EFHC2: variants seen among roughly 807,000 people sequenced by gnomAD.
EFHC2 encodes the protein EF-hand domain-containing family member C2.
A neutral mutation model predicts 52.7 loss-of-function variants in EFHC2; 18 were observed. The observed-to-expected ratio is 0.34, with a 90% CI of 0.24 to 0.51. EFHC2 has a LOEUF of 0.51. Ranked by LOEUF, EFHC2 falls within the 20% of genes least tolerant of loss-of-function variation. The pLI, the probability that EFHC2 is intolerant of heterozygous loss-of-function variation, is 0.97. For synonymous variants in EFHC2, 203 were observed against 204.1 expected (o/e 0.99, Z 0.04); for missense variants, 513 against 562.5 (o/e 0.91, Z 0.89).
At chrX:44,282,456 A>C (rs1252963346) in intron 2 of EFHC2, among the ~76,000 whole-genome samples, 1 of 101,352 alleles carries the variant, frequency 9.9e-6, no homozygotes, top group East Asian at 3.2e-4. Flanking sequence ...AAAAAAAAAA[A>C]AATACAAAAT....
intron 11 of EFHC2, among the ~76,000 whole-genome samples, chrX:44,190,194 G>A (rs1465700488): frequency 9.0e-6 from 1 of 111,451 alleles, no homozygotes; most frequent in Non-Finnish European, 1.9e-5. Flanking sequence ...CCTTCTGCCC[G>A]GTAAAGTCAT....
At chrX:44,227,604 G>A (rs2037242941) in intron 11 of EFHC2, among the ~76,000 whole-genome samples, 1 of 111,392 alleles carries the variant, frequency 9.0e-6, no homozygotes, top group African/African-American at 3.3e-5. Context: ...ACACCATTGA[G>A]TTCCCCACCC....
At chrX:44,327,786 G>A (rs932762459) in intron 1 of EFHC2, among the ~76,000 whole-genome samples, 10 of 111,463 alleles carry the variant, frequency 9.0e-5, no homozygotes, top group African/African-American at 3.3e-4. Context: ...AACCCCAAAT[G>A]TGCAAATTAA....
At chrX:44,235,179 T>G in intron 9 of EFHC2, 126 bp downstream of exon 9, 1 of 584,827 alleles carries the variant, frequency 1.7e-6, no homozygotes, top group East Asian at 4.2e-5. Context: ...TGTTCAGGGT[T>G]TTTTTTTATA....
At chrX:44,297,831 AAAGT>A in intron 2 of EFHC2, among the ~76,000 whole-genome samples, 1 of 109,291 alleles carries the variant, frequency 9.1e-6, no homozygotes, top group East Asian at 2.8e-4. Context: ...AGGCGAAGAC[AAAGT>A]AAGGAAAGGA....
chrX:44,243,558 G>A (rs1332647797), intron 7 of EFHC2, among the ~76,000 whole-genome samples: 1 of 111,928 alleles, frequency 8.9e-6, no homozygotes, highest in East Asian at 2.8e-4. Flanking sequence ...CTAAGGGCTT[G>A]AGGCCACTTC....
At chrX:44,257,025 T>C (rs2037497557) in intron 4 of EFHC2, among the ~76,000 whole-genome samples, 1 of 111,402 alleles carries the variant, frequency 9.0e-6, no homozygotes, top group Admixed American at 9.5e-5. Flanking sequence ...ACCCATCATA[T>C]AAACAGAACC....
intron 11 of EFHC2, among the ~76,000 whole-genome samples, chrX:44,184,606 C>G (rs769417224): frequency 9.1e-6 from 1 of 110,157 alleles, no homozygotes; most frequent in East Asian, 2.9e-4. Context: ...GCCTGTAGTC[C>G]CAGCTACTTG....
chrX:44,281,825 C>T (rs1052482205), intron 2 of EFHC2, among the ~76,000 whole-genome samples: 1 of 111,132 alleles, frequency 9.0e-6, no homozygotes, highest in Non-Finnish European at 1.9e-5. Context: ...ACAGCATAAA[C>T]AAAATTCATG....
At chrX:44,266,582 G>A (rs1485783774) in intron 3 of EFHC2, among the ~76,000 whole-genome samples, 1 of 110,473 alleles carries the variant, frequency 9.1e-6, no homozygotes, top group African/African-American at 3.3e-5. Flanking sequence ...TTATCAGCCC[G>A]CCTCTGCCTC....
intron 4 of EFHC2, among the ~76,000 whole-genome samples, chrX:44,251,034 C>T (rs1396042034): frequency 9.7e-6 from 1 of 102,888 alleles, no homozygotes; most frequent in Non-Finnish European, 2.0e-5. Flanking sequence ...GTCAGGAGAT[C>T]GAGACCATCC....
intron 5 of EFHC2, among the ~76,000 whole-genome samples, chrX:44,249,961 T>C (rs1342503638): frequency 8.9e-6 from 1 of 112,632 alleles, no homozygotes; most frequent in Non-Finnish European, 1.9e-5. Context: ...TTTTCTTACA[T>C]TTGACTTTTT....
intron 2 of EFHC2, among the ~76,000 whole-genome samples, chrX:44,283,731 T>C (rs1017628732): frequency 3.0e-5 from 3 of 101,195 alleles, no homozygotes; most frequent in Non-Finnish European, 5.9e-5. Context: ...AATCAGACCA[T>C]TTGGGACAGT....
chrX:44,310,549 AT>A, intron 2 of EFHC2: 2 of 359,715 alleles, frequency 5.6e-6, no homozygotes, highest in Non-Finnish European at 9.8e-6. Context: ...AAAATGTCTC[AT>A]TTTTAAGACA....
intron 2 of EFHC2, among the ~76,000 whole-genome samples, chrX:44,293,497 C>CAGTTTTTGCCATTGAAAGCAATGGCAA (rs1184808467): frequency 9.0e-5 from 10 of 110,605 alleles, no homozygotes; most frequent in Non-Finnish European, 1.9e-4. Context: ...AAAATAATTA[C>CAGTTTTTGCCATTGAAAGCAATGGCAA]AGTTTTTGCC....
At chrX:44,326,276 A>T (rs2038051303) in intron 1 of EFHC2, among the ~76,000 whole-genome samples, 1 of 110,890 alleles carries the variant, frequency 9.0e-6, no homozygotes, top group South Asian at 3.8e-4. Flanking sequence ...GTTAACAGAT[A>T]AAAAATTACA....
At chrX:44,198,387 C>A (rs562870420) in intron 11 of EFHC2, among the ~76,000 whole-genome samples, 1 of 111,657 alleles carries the variant, frequency 9.0e-6, no homozygotes, top group East Asian at 2.8e-4. Flanking sequence ...AATAGTGGAA[C>A]TGATTTTAAC....
chrX:44,333,595 G>T (rs1441000066), intron 1 of EFHC2, among the ~76,000 whole-genome samples: 1 of 110,728 alleles, frequency 9.0e-6, no homozygotes, highest in African/African-American at 3.3e-5. Flanking sequence ...GTAATGAAAG[G>T]GATACTACTA....
intron 3 of EFHC2, among the ~76,000 whole-genome samples, chrX:44,272,373 C>A (rs185309733): frequency 8.9e-6 from 1 of 112,032 alleles, no homozygotes; most frequent in Non-Finnish European, 1.9e-5. Context: ...GATCTGCTCA[C>A]GGCAAGGCGA....
Sources: allele counts gnomAD v4.1 joint callset (sites outside exome capture counted in the v4.1 genomes callset), GRCh38; gene constraint gnomAD v4.1.1; transcripts MANE v1.5; gene names NCBI Gene and HGNC (gene_info 2026-07-23, HGNC 2026-07-21).